Variants in NLRP7 observed in about 807,000 individuals in gnomAD.
NLRP7 encodes NLR family pyrin domain containing 7, also known as NACHT, LRR and PYD domains-containing protein 7.
Under a neutral mutation model 85.5 loss-of-function variants are expected in NLRP7, and 72 were observed. That is an observed-to-expected ratio of 0.84 (90% CI 0.70 to 1.02). The LOEUF (loss-of-function observed/expected upper bound fraction) is 1.02. Ranked by LOEUF, NLRP7 falls within the 50% of genes least tolerant of loss-of-function variation. The probability of loss-of-function intolerance (pLI) is 0.00; values close to 1 mark genes in which losing one functional copy is unlikely to be tolerated. For synonymous variants in NLRP7, 550 were observed against 505.2 expected (o/e 1.09, Z -1.19); for missense variants, 1,243 against 1,219.5 (o/e 1.02, Z -0.29).
At chr19:54,961,410 A>C (rs1414695224) in intron 1 of NLRP7, among the ~76,000 whole-genome samples, 1 of 151,982 alleles carries the variant, frequency 6.6e-6, no homozygotes, top group East Asian at 1.9e-4. Flanking sequence ...GGGCAGGAGA[A>C]TCACTTGAAC....
rs530927646 is a variant in NLRP7, at chr19:54,962,419, C to T, written c.-77+3621G>A. Among the ~76,000 whole-genome samples, 40 of 151,020 alleles carry T rather than the reference C, an allele frequency of 2.6e-4. 1 individual carries two copies. Among genetic ancestry groups the T allele is most frequent in the Non-Finnish European group, 4.9e-4 (33 of 67,688 alleles). ...AATAGCTGGAATTACAGGCATCTGC[C>T]ACTACGCCTGGCTAATTTTTTGTGT... On this transcript the variant is annotated intron_variant, in intron 1 of 2. Coordinates refer to the NLRP7 transcript ENST00000587103.
upstream of NLRP7, among the ~76,000 whole-genome samples, chr19:54,949,375 A>C (rs926492158): frequency 1.3e-5 from 2 of 152,146 alleles, no homozygotes; most frequent in Admixed American, 6.6e-5. Flanking sequence ...CAGGAGTTCA[A>C]GACCAGCCTG....
chr19:54,949,675 A>G (rs915056896), upstream of NLRP7, among the ~76,000 whole-genome samples: 1 of 152,088 alleles, frequency 6.6e-6, no homozygotes, highest in Non-Finnish European at 1.5e-5. Flanking sequence ...GTGATTAGAC[A>G]TTGGGAACTT....
At chr19:54,927,378 T>C (rs2068488061) in intron 9 of NLRP7, among the ~76,000 whole-genome samples, 1 of 104,214 alleles carries the variant, frequency 9.6e-6, no homozygotes, top group Non-Finnish European at 2.0e-5. Flanking sequence ...CAAAACTCCG[T>C]CTCAAAAAAA....
rs1227120557 is a variant in NLRP7 at position 54,941,008 on chromosome 19, G to A, written c.278-3C>T. On this transcript the variant is annotated splice_polypyrimidine_tract_variant and splice_region_variant and intron_variant, in intron 2 of 9. Transcript: ENST00000340844. The stretch of plus-strand genomic sequence containing the variant: ...TATTTCTTGCACCTGTCCGTCCTCT[G>A]TAAAATACTTAGATGTAAGCCTGAC... 3 of 1,596,520 alleles carry A rather than the reference G, an allele frequency of 1.9e-6. No individual in the cohort carries two copies. Among genetic ancestry groups the A allele is most frequent in the Non-Finnish European group, 2.6e-6 (3 of 1,164,294 alleles).
At chr19:54,952,549 C>A (rs112588104) in intron 1 of NLRP7, among the ~76,000 whole-genome samples, 1 of 150,030 alleles carries the variant, frequency 6.7e-6, no homozygotes, top group South Asian at 2.1e-4. Context: ...AGCAAAGATC[C>A]TGCCACTGCA....
At chr19:54,923,629 C>A (rs1050765827) in exon 10 of NLRP7, 1 of 1,249,466 alleles carries the variant, frequency 8.0e-7, no homozygotes, top group Admixed American at 1.7e-5. Flanking sequence ...TCAAATCCTA[C>A]CTCTCGACAG....
chr19:54,931,792 G>T (rs1257542764), intron 8 of NLRP7, among the ~76,000 whole-genome samples: 1 of 151,826 alleles, frequency 6.6e-6, no homozygotes, highest in Non-Finnish European at 1.5e-5. Context: ...GGAGGTTGCA[G>T]TGAGCCAAGA....
chr19:54,930,725 C>T, intron 8 of NLRP7, 59 bp from the exon 9 acceptor site: 1 of 1,424,484 alleles, frequency 7.0e-7, no homozygotes, highest in Non-Finnish European at 9.9e-7. Flanking sequence ...CCCTGTGAAG[C>T]AGTTATTTCC....
At chr19:54,954,478 C>G (rs1464884175) in intron 1 of NLRP7, among the ~76,000 whole-genome samples, 3 of 114,944 alleles carry the variant, frequency 2.6e-5, no homozygotes, top group African/African-American at 7.3e-5. Context: ...TGCAGTGAGC[C>G]GAGATAGTGC....
intron 9 of NLRP7, among the ~76,000 whole-genome samples, chr19:54,928,998 G>A (rs752274126): frequency 5.3e-5 from 8 of 152,044 alleles, no homozygotes; most frequent in Non-Finnish European, 8.8e-5. Flanking sequence ...CGTTTGCATT[G>A]AGCTTTTGAG....
chr19:54,936,148 T>C (rs1475439398), intron 6 of NLRP7, 113 bp downstream of exon 6: 5 of 911,742 alleles, frequency 5.5e-6, no homozygotes, highest in Non-Finnish European at 8.9e-6. Flanking sequence ...GTTTGAGGAA[T>C]ACATTCCCTG....
At chr19:54,925,623 C>T (rs1454015632) in intron 9 of NLRP7, among the ~76,000 whole-genome samples, 4 of 152,168 alleles carry the variant, frequency 2.6e-5, no homozygotes, top group Admixed American at 1.3e-4. Context: ...GGCAACACGG[C>T]CACACAGTGC....
At chr19:54,928,645 G>A (rs576853725) in intron 9 of NLRP7, among the ~76,000 whole-genome samples, 2 of 152,102 alleles carry the variant, frequency 1.3e-5, no homozygotes, top group African/African-American at 4.8e-5. Flanking sequence ...GTGATATGAG[G>A]AAAGAAACTG....
intron 9 of NLRP7, among the ~76,000 whole-genome samples, chr19:54,926,347 T>G (rs2146142853): frequency 6.6e-6 from 1 of 152,258 alleles, no homozygotes. Flanking sequence ...TCACAGAGCA[T>G]TTTAGAAAAG....
intron 1 of NLRP7, among the ~76,000 whole-genome samples, chr19:54,964,782 T>C (rs983277648): frequency 7.1e-6 from 1 of 141,130 alleles, no homozygotes; most frequent in African/African-American, 2.6e-5. Flanking sequence ...GCCGAGATCG[T>C]GCCGTTGCAC....
At chr19:54,943,456 C>G (rs1169171079) in intron 1 of NLRP7, among the ~76,000 whole-genome samples, 3 of 151,950 alleles carry the variant, frequency 2.0e-5, no homozygotes, top group East Asian at 3.9e-4. Flanking sequence ...AAACAATTAG[C>G]CGGGCGTGGT....
At chr19:54,941,884 C>G in intron 1 of NLRP7, 134 bp from the exon 2 acceptor site, 1 of 735,816 alleles carries the variant, frequency 1.4e-6, no homozygotes, top group African/African-American at 1.8e-5. Context: ...AATTAAGAGA[C>G]TGAAAATCTG....
Position 54,938,244 on chromosome 19 carries a change from GCAGGAGAACA to G in NLRP7, c.1932-13_1932-4del. On this transcript the variant is annotated splice_region_variant and splice_polypyrimidine_tract_variant and intron_variant, in intron 4 of 9. Coordinates refer to ENST00000340844, the Ensembl canonical transcript of NLRP7. ...TCGGAATGGTTAGGTAAGTGCACCT[GCAGGAGAACA>G]CACGTTCATCTCTTAGGACTAGTAC... The G allele has an allele frequency of 6.2e-7, 1 of 1,613,366 alleles. No individual in the cohort carries two copies. The highest frequency in any genetic ancestry group is 2.2e-5 in the East Asian group (1 of 44,884).
Sources: allele counts gnomAD v4.1 joint callset (sites outside exome capture counted in the v4.1 genomes callset), GRCh38; gene constraint gnomAD v4.1.1; transcripts MANE v1.5; gene names NCBI Gene and HGNC (gene_info 2026-07-23, HGNC 2026-07-21).